The following CADM2 variants were observed in gnomAD, a reference collection of about 807,000 sequenced individuals.
CADM2 encodes immunoglobulin superfamily member 4D.
CADM2 carries 12 observed loss-of-function variants against 49.8 expected under a neutral mutation model. The observed-to-expected ratio is 0.24, with a 90% CI of 0.15 to 0.39. The LOEUF (loss-of-function observed/expected upper bound fraction) is 0.39. Among genes scored for constraint, CADM2 ranks in the 10% least tolerant of loss-of-function variants. The pLI is 1.00. For missense variants in CADM2, 378 were observed against 492.3 expected, an observed-to-expected ratio of 0.77 and a Z score of 2.20; for synonymous variants, 214 against 175.4, an observed-to-expected ratio of 1.22 and a Z score of -1.74.
chr3:85,927,343 A>C (rs1720001976), intron 6 of CADM2, among the ~76,000 whole-genome samples: 1 of 152,188 alleles, frequency 6.6e-6, no homozygotes, highest in Non-Finnish European at 1.5e-5. Context: ...TTTGATAAGC[A>C]TGCATCCTAG....
chr3:85,572,148 T>A (rs2107248861), intron 1 of CADM2, among the ~76,000 whole-genome samples: 1 of 152,112 alleles, frequency 6.6e-6, no homozygotes, highest in South Asian at 2.1e-4. Context: ...AATATAAAAA[T>A]TAGCCGGGCA....
At chr3:84,986,591 T>A (rs1221671854) in intron 1 of CADM2, among the ~76,000 whole-genome samples, 1 of 149,760 alleles carries the variant, frequency 6.7e-6, no homozygotes, top group Non-Finnish European at 1.5e-5. Flanking sequence ...CATCACACTC[T>A]GGGGACTGTT....
chr3:85,628,618 T>C (rs1208052384), intron 1 of CADM2, among the ~76,000 whole-genome samples: 2 of 91,920 alleles, frequency 2.2e-5, no homozygotes, highest in African/African-American at 5.0e-5. Flanking sequence ...TACATTTATA[T>C]ACATATATAC....
intron 1 of CADM2, among the ~76,000 whole-genome samples, chr3:85,237,596 C>A (rs1231267034): frequency 6.6e-6 from 1 of 150,942 alleles, no homozygotes; most frequent in Non-Finnish European, 1.5e-5. Flanking sequence ...AATACAAAAG[C>A]AAACACTGAA....
intron 1 of CADM2, among the ~76,000 whole-genome samples, chr3:84,984,471 C>T (rs2032428657): frequency 6.7e-6 from 1 of 149,998 alleles, no homozygotes; most frequent in South Asian, 2.1e-4. Context: ...TTTCTTTTCA[C>T]CTCTATTGCC....
At chr3:85,376,053 A>G (rs2033576893) in intron 1 of CADM2, among the ~76,000 whole-genome samples, 2 of 152,156 alleles carry the variant, frequency 1.3e-5, no homozygotes, top group Admixed American at 6.6e-5. Flanking sequence ...ATATGAAATA[A>G]GTACTATTAT....
At chr3:85,982,632 T>C (rs1484731280) in intron 8 of CADM2, among the ~76,000 whole-genome samples, 1 of 151,710 alleles carries the variant, frequency 6.6e-6, no homozygotes, top group Non-Finnish European at 1.5e-5. Flanking sequence ...GTGTGGAGGA[T>C]TCATTTAGTA....
At chr3:85,220,590 T>C (rs1295987330) in intron 1 of CADM2, among the ~76,000 whole-genome samples, 1 of 152,148 alleles carries the variant, frequency 6.6e-6, no homozygotes, top group Non-Finnish European at 1.5e-5. Context: ...TTGACCATAC[T>C]ACAGGAGTAA....
chr3:85,407,262 G>C (rs1177105395), intron 1 of CADM2, among the ~76,000 whole-genome samples: 1 of 152,024 alleles, frequency 6.6e-6, no homozygotes, highest in Non-Finnish European at 1.5e-5. Flanking sequence ...AGGATTTCTT[G>C]GTTTAAGAAT....
intron 3 of CADM2, among the ~76,000 whole-genome samples, chr3:85,813,513 C>T (rs975293832): frequency 2.0e-5 from 3 of 151,812 alleles, no homozygotes; most frequent in African/African-American, 7.2e-5. Flanking sequence ...ATTATAGTTT[C>T]TTTTGCTGTG....
At chr3:85,737,182 G>A (rs377576661) in intron 2 of CADM2, among the ~76,000 whole-genome samples, 7 of 152,260 alleles carry the variant, frequency 4.6e-5, no homozygotes, top group African/African-American at 1.7e-4. Context: ...ACAAGTGAAA[G>A]TGAAGGGAAA....
intron 3 of CADM2, among the ~76,000 whole-genome samples, chr3:85,875,517 A>G (rs921805648): frequency 3.9e-5 from 6 of 152,114 alleles, no homozygotes; most frequent in Non-Finnish European, 7.3e-5. Context: ...TATCTGATTT[A>G]TTAGGGTACA....
In CADM2 at chr3:86,038,221, C is replaced by T. The variant is rs541512524; in HGVS notation, c.971-27384C>T. On this transcript the variant is annotated intron_variant, in intron 8 of 9. Transcript: ENST00000383699. The stretch of plus-strand genomic sequence containing the variant: ...AAAAACTACATTGTTTTCTCAACTT[C>T]TTAACATGTGTTAAATCCATGAAGT... 2.6e-5 allele frequency among the ~76,000 whole-genome samples: 4 copies of T among 152,298 alleles called. No individual in the cohort carries two copies. The South Asian group carries it at 6.2e-4, about 24-fold the overall frequency.
At position 85,321,116 on chromosome 3, in the gene CADM2, ATTTTTTTTTTTTTTTTTTTTTTTTTT is replaced by A. The variant is rs1157576505; in HGVS notation, c.61+361473_61+361498del. Among the ~76,000 whole-genome samples the A allele has an allele frequency of 6.7e-3, 183 of 27,496 alleles. 2 individuals are homozygous for A. Among genetic ancestry groups the A allele is most frequent in the Middle Eastern group, 0.025 (1 of 40 alleles). The allele number at this position is 27,496 out of a possible 152,430, so 18.0% of individuals were successfully genotyped here. ...CATATATATATATATATATATATAT[ATTTTTTTTTTTTTTTTTTTTTTTTTT>A]TTTTTTTTTTTTTTTTTTTTTTTTG... is the stretch of plus-strand genomic sequence containing the variant. On this transcript the variant is annotated intron_variant, in intron 1 of 9. Transcript: ENST00000383699.
At chr3:85,629,384 G>A (rs182932254) in intron 1 of CADM2, among the ~76,000 whole-genome samples, 1 of 151,552 alleles carries the variant, frequency 6.6e-6, no homozygotes, top group Non-Finnish European at 1.5e-5. Context: ...CTGATGATAC[G>A]GATATAGCAT....
At chr3:85,527,986 T>C (rs2061207617) in intron 1 of CADM2, among the ~76,000 whole-genome samples, 1 of 152,202 alleles carries the variant, frequency 6.6e-6, no homozygotes, top group Non-Finnish European at 1.5e-5. Context: ...ATTCATTGCT[T>C]ATATATGATG....
intron 1 of CADM2, among the ~76,000 whole-genome samples, chr3:85,162,610 T>C (rs2040360398): frequency 6.6e-6 from 1 of 152,078 alleles, no homozygotes; most frequent in Non-Finnish European, 1.5e-5. Context: ...CTAGAGTTTA[T>C]ACAAAAAGGC....
intron 1 of CADM2, among the ~76,000 whole-genome samples, chr3:85,331,798 T>C (rs2044937328): frequency 1.3e-5 from 2 of 152,214 alleles, no homozygotes; most frequent in South Asian, 4.1e-4. Flanking sequence ...GGCCTGTCTT[T>C]TGGATAAGAG....
At chr3:85,703,458 A>C (rs954080043) in intron 1 of CADM2, among the ~76,000 whole-genome samples, 1 of 152,200 alleles carries the variant, frequency 6.6e-6, no homozygotes, top group Non-Finnish European at 1.5e-5. Context: ...GAGAATAATT[A>C]GCTCATCCTC....
Sources: gnomAD v4.1 joint callset for allele counts (sites outside exome capture counted in the v4.1 genomes callset) on GRCh38, gnomAD v4.1.1 for gene constraint, MANE v1.5 for transcripts, NCBI Gene and HGNC (gene_info 2026-07-23, HGNC 2026-07-21) for gene names.